The following C13orf46 variants were observed in gnomAD, a reference collection of about 807,000 sequenced individuals.
C13orf46 encodes chromosome 13 open reading frame 46, also known as uncharacterized protein C13orf46.
chr13:113,953,627 C>T (rs1002735900), downstream of C13orf46: 2 of 152,280 alleles, frequency 1.3e-5, no homozygotes, highest in African/African-American at 4.8e-5. Context: ...ATGGGACCTC[C>T]CTGTCCTAGA....
Position 113,954,602 on chromosome 13 carries a change from A to G in C13orf46, c.*2171T>C, listed in dbSNP as rs933355555. On this transcript the variant is annotated 3_prime_UTR_variant, in exon 7 of 7. Transcript: ENST00000636427. Reference sequence around the variant, plus strand: ...TGCAGGGACTTTGGTGACACAGCAGATGCTCCATCCCTGCCCTGCACCTCT... The same window carrying G: ...TGCAGGGACTTTGGTGACACAGCAGGTGCTCCATCCCTGCCCTGCACCTCT... The G allele has an allele frequency of 1.3e-5, 2 of 152,530 alleles. No homozygotes were observed. The highest frequency in any genetic ancestry group is 1.3e-4 in the Admixed American group (2 of 15,300). The allele number at this position is 152,530 out of a possible 1,614,324, so 9.4% of individuals were successfully genotyped here. A position where few individuals can be genotyped will look rare whatever the true frequency, so the allele number is the denominator to read the frequency against.
At chr13:113,971,594 G>T (rs1242466654) in intron 1 of C13orf46, among the ~76,000 whole-genome samples, 1 of 152,202 alleles carries the variant, frequency 6.6e-6, no homozygotes, top group African/African-American at 2.4e-5. Flanking sequence ...CCTGTGCTCC[G>T]CATGGCCCAG....
rs1033729644 is a variant in C13orf46, at chr13:113,965,848, G to A, written c.505-854C>T. On this transcript the variant is annotated intron_variant, in intron 5 of 6. Transcript: ENST00000636427. ...GGTGATAATGGTGATGGTGATGATGGTGATGGTGGTGATGATGGTGATGGT... is the reference window on the plus strand; with the variant it reads ...GGTGATAATGGTGATGGTGATGATGATGATGGTGGTGATGATGGTGATGGT... Among the ~76,000 whole-genome samples, 584 of 105,936 alleles carry A rather than the reference G, an allele frequency of 5.5e-3. 7 individuals carry two copies. Among genetic ancestry groups the A allele is most frequent in the African/African-American group, 0.02 (517 of 25,838 alleles). The allele number at this position is 105,936 out of a possible 152,430, so 69.5% of individuals were successfully genotyped here. A position where few individuals can be genotyped will look rare whatever the true frequency, so the allele number is the denominator to read the frequency against.
the C13orf46 span, among the ~76,000 whole-genome samples, chr13:113,936,723 T>TG: frequency 6.6e-6 from 1 of 150,916 alleles, no homozygotes; most frequent in African/African-American, 2.5e-5. Context: ...GCTGACTGGT[T>TG]GGGGGTGCAG....
the C13orf46 span, among the ~76,000 whole-genome samples, chr13:113,930,343 G>C: frequency 1.3e-5 from 2 of 151,550 alleles, no homozygotes; most frequent in Admixed American, 6.6e-5. Flanking sequence ...GGTGGGAGTG[G>C]AGGAGCACCG....
the C13orf46 span, among the ~76,000 whole-genome samples, chr13:113,947,042 G>A: frequency 6.6e-6 from 1 of 152,252 alleles, no homozygotes; most frequent in African/African-American, 2.4e-5. Context: ...CTCTGGGAGA[G>A]AGGGGCCAGC....
chr13:113,973,520 C>G (rs1302996054), intron 1 of C13orf46, among the ~76,000 whole-genome samples: 5 of 152,208 alleles, frequency 3.3e-5, no homozygotes, highest in Admixed American at 3.3e-4. Context: ...CTACCTACGA[C>G]CTGGAAGCCC....
At chr13:113,962,055 C>G (rs2052591313) in intron 6 of C13orf46, among the ~76,000 whole-genome samples, 1 of 152,118 alleles carries the variant, frequency 6.6e-6, no homozygotes, top group African/African-American at 2.4e-5. Context: ...TTGTGTTGGG[C>G]AGGTACAGGA....
intron 1 of C13orf46, among the ~76,000 whole-genome samples, chr13:113,970,662 G>C (rs986980968): frequency 6.6e-6 from 1 of 152,192 alleles, no homozygotes; most frequent in African/African-American, 2.4e-5. Flanking sequence ...TTCCTCTCAC[G>C]GACAGGTGGG....
At chr13:113,936,816 A>C in the C13orf46 span, among the ~76,000 whole-genome samples, 1 of 151,384 alleles carries the variant, frequency 6.6e-6, no homozygotes, top group African/African-American at 2.5e-5. Flanking sequence ...AGGGGGGGAA[A>C]TCAGTTGTCA....
At chr13:113,963,196 C>T (rs970069752) in intron 6 of C13orf46, among the ~76,000 whole-genome samples, 15 of 150,536 alleles carry the variant, frequency 1.0e-4, no homozygotes, top group African/African-American at 3.4e-4. Context: ...AGCCTCAGCC[C>T]GTCCTCAGCC....
chr13:113,970,630 G>GACCCA (rs2052694214), intron 1 of C13orf46, among the ~76,000 whole-genome samples: 1 of 152,176 alleles, frequency 6.6e-6, no homozygotes, highest in Non-Finnish European at 1.5e-5. Context: ...TGCCCATGCC[G>GACCCA]GCTACTACCC....
At chr13:113,959,404 G>C (rs1487580978) in intron 6 of C13orf46, among the ~76,000 whole-genome samples, 1 of 152,180 alleles carries the variant, frequency 6.6e-6, no homozygotes, top group Non-Finnish European at 1.5e-5. Flanking sequence ...TGTCTGATTG[G>C]CTAGGATGTG....
chr13:113,960,242 C>T (rs1157466595), intron 6 of C13orf46, among the ~76,000 whole-genome samples: 3 of 138,130 alleles, frequency 2.2e-5, no homozygotes, highest in Middle Eastern at 3.5e-3. Context: ...GGCGACAGAG[C>T]GAGACTCTGT....
chr13:113,928,474 G>C, the C13orf46 span: 238 of 152,548 alleles, frequency 1.6e-3, no homozygotes, highest in Non-Finnish European at 2.0e-3. Flanking sequence ...CCAGGCCCAA[G>C]GGTCCTGGGA....
chr13:113,937,335 A>T, the C13orf46 span, among the ~76,000 whole-genome samples: 2 of 152,228 alleles, frequency 1.3e-5, no homozygotes, highest in Non-Finnish European at 2.9e-5. Context: ...CATCGTGGCC[A>T]CGTATGGCTC....
At chr13:113,932,040 C>CT in the C13orf46 span, among the ~76,000 whole-genome samples, 1 of 152,140 alleles carries the variant, frequency 6.6e-6, no homozygotes. Context: ...CGTGTATACT[C>CT]TTATTGCCTG....
the C13orf46 span, among the ~76,000 whole-genome samples, chr13:113,937,022 A>G: frequency 6.6e-6 from 1 of 152,164 alleles, no homozygotes; most frequent in African/African-American, 2.4e-5. Context: ...ATAGCTTTAC[A>G]AAGGCTGTTG....
At chr13:113,930,784 C>T in the C13orf46 span, among the ~76,000 whole-genome samples, 2 of 152,328 alleles carry the variant, frequency 1.3e-5, no homozygotes, top group East Asian at 1.9e-4. Context: ...GGATTAGATG[C>T]GGTGATGCCC....
Sources: allele counts gnomAD v4.1 joint callset (sites outside exome capture counted in the v4.1 genomes callset), GRCh38; gene constraint gnomAD v4.1.1; transcripts MANE v1.5; gene names NCBI Gene and HGNC (gene_info 2026-07-23, HGNC 2026-07-21).